Variants in SCRN3 observed in about 807,000 individuals in gnomAD.
SCRN3 encodes secernin-3.
SCRN3 carries 39 observed loss-of-function variants against 43.1 expected under a neutral mutation model. The observed-to-expected ratio is 0.91, with a 90% CI of 0.70 to 1.18. The LOEUF is 1.18. Among genes scored for constraint, SCRN3 ranks in the 50% most tolerant of loss-of-function variants. The probability of loss-of-function intolerance (pLI) is 0.00; values close to 1 mark genes in which losing one functional copy is unlikely to be tolerated. For missense variants in SCRN3, 484 were observed against 498.0 expected (o/e 0.97, Z 0.27); for synonymous variants, 147 against 163.1 (o/e 0.90, Z 0.75).
chr2:174,419,967 C>T (rs1686243205), intron 5 of SCRN3, among the ~76,000 whole-genome samples: 1 of 151,956 alleles, frequency 6.6e-6, no homozygotes, highest in Non-Finnish European at 1.5e-5. Flanking sequence ...GATGAATACC[C>T]AAAAGAGTAC....
chr2:174,426,392 A>C (rs1686482481), intron 7 of SCRN3, among the ~76,000 whole-genome samples: 1 of 152,212 alleles, frequency 6.6e-6, no homozygotes, highest in Non-Finnish European at 1.5e-5. Context: ...TCCTCAGAAA[A>C]AAGCTGCATA....
chr2:174,413,947 C>T (rs1686016345), intron 5 of SCRN3, among the ~76,000 whole-genome samples: 1 of 152,036 alleles, frequency 6.6e-6, no homozygotes, highest in Admixed American at 6.6e-5. Context: ...GCCAGAAAGA[C>T]CAAAGTTTTC....
Position 174,412,320 on chromosome 2 carries a change from C to A in SCRN3, c.754+8005C>A, listed in dbSNP as rs531094397. Among the ~76,000 whole-genome samples the A allele has an allele frequency of 4.6e-5, 7 of 151,918 alleles. No individual in the cohort carries two copies. The East Asian group carries it at 1.4e-3, about 29-fold the overall frequency. On this transcript the variant is annotated intron_variant, in intron 5 of 7. Coordinates refer to ENST00000272732, the MANE Select transcript of SCRN3 (RefSeq NM_024583.5). The stretch of plus-strand genomic sequence containing the variant: ...TGAGGAGAGGGAAGGTGGGCACCAA[C>A]AAGACATAGCATGGGAGAAATCTCC...
chr2:174,427,407 T>G (rs1298185524), intron 7 of SCRN3, among the ~76,000 whole-genome samples: 2 of 152,194 alleles, frequency 1.3e-5, no homozygotes, highest in Non-Finnish European at 2.9e-5. Context: ...ACCTTCCACA[T>G]ACACAGTTCA....
intron 1 of SCRN3, among the ~76,000 whole-genome samples, chr2:174,398,029 G>GA (rs1350818528): frequency 1.3e-5 from 2 of 152,136 alleles, no homozygotes; most frequent in Non-Finnish European, 2.9e-5. Flanking sequence ...TTGGGAGGCA[G>GA]AAGGGGGAGG....
intron 5 of SCRN3, 146 bp from the exon 6 acceptor site, chr2:174,422,739 A>C: frequency 3.9e-6 from 2 of 515,854 alleles, no homozygotes; most frequent in Non-Finnish European, 6.9e-6. Flanking sequence ...ATCTAATTGT[A>C]GTTGATACAA....
chr2:174,400,028 G>A lies in SCRN3; in HGVS notation c.266G>A (p.Cys89Tyr), dbSNP rs775283334. ...AEMGANEHGV[C>Y]IGNEAVWGRE... The stretch of plus-strand genomic sequence containing the variant: ...ATGGGAGCCAATGAGCATGGAGTTT[G>A]CATTGGGAATGAAGCTGTATGGGGA... Residue 89 changes from cysteine (C) to tyrosine (Y), a missense_variant, in exon 3 of 8, where the codon TGC (cysteine) becomes TAC (tyrosine). Physicochemically the swap from Cys to Tyr is radical, Grantham distance 194. Coordinates refer to ENST00000272732, the MANE Select transcript of SCRN3 (RefSeq NM_024583.5). 1.2e-6 allele frequency: 2 copies of A among 1,601,426 alleles called. No individual in the cohort carries two copies. Among genetic ancestry groups the A allele is most frequent in the African/African-American group, 2.7e-5 (2 of 73,730 alleles).
In SCRN3 at chr2:174,399,899, C is replaced by CTTT. The variant is rs59353951; in HGVS notation, c.160-7_160-5dup. On this transcript the variant is annotated intron_variant, in intron 2 of 7. Coordinates refer to ENST00000272732, the MANE Select transcript of SCRN3 (RefSeq NM_024583.5). The stretch of plus-strand genomic sequence containing the variant: ...TCTGGTTTTGTGGTTCTTGCTATGA[C>CTTT]TTTTTTTTTTTTTTTTTTACAGTGT... 5,648 of 1,151,398 alleles carry CTTT rather than the reference C, an allele frequency of 4.9e-3. 17 individuals carry two copies. Among genetic ancestry groups the CTTT allele is most frequent in the African/African-American group, 0.019 (1,051 of 56,380 alleles). The allele number at this position is 1,151,398 out of a possible 1,614,324, so 71.3% of individuals were successfully genotyped here.
At chr2:174,421,446 G>C (rs1018762324) in intron 5 of SCRN3, among the ~76,000 whole-genome samples, 3 of 152,178 alleles carry the variant, frequency 2.0e-5, no homozygotes, top group Non-Finnish European at 4.4e-5. Flanking sequence ...AAAGTCTATT[G>C]TGCATGGATT....
intron 5 of SCRN3, among the ~76,000 whole-genome samples, chr2:174,406,362 A>C (rs1488059096): frequency 1.5e-5 from 2 of 137,308 alleles, no homozygotes; most frequent in Non-Finnish European, 3.3e-5. Context: ...TTTTGGGCTG[A>C]GACAATGGGG....
At chr2:174,427,159 A>G (rs1215407837) in intron 7 of SCRN3, among the ~76,000 whole-genome samples, 1 of 152,138 alleles carries the variant, frequency 6.6e-6, no homozygotes, top group Non-Finnish European at 1.5e-5. Flanking sequence ...TTTTCTTTAG[A>G]TAAGTACCTT....
chr2:174,421,483 A>G (rs910135552), intron 5 of SCRN3, among the ~76,000 whole-genome samples: 1 of 152,188 alleles, frequency 6.6e-6, no homozygotes, highest in Non-Finnish European at 1.5e-5. Flanking sequence ...TTTTCACAGG[A>G]TGCTTTTAGC....
At chr2:174,414,939 T>C (rs1408042344) in intron 5 of SCRN3, among the ~76,000 whole-genome samples, 1 of 152,066 alleles carries the variant, frequency 6.6e-6, no homozygotes, top group Non-Finnish European at 1.5e-5. Context: ...AATTTTTTTA[T>C]TTTTTGTAGA....
intron 7 of SCRN3, among the ~76,000 whole-genome samples, chr2:174,426,640 C>T (rs1388445965): frequency 5.3e-5 from 8 of 151,872 alleles, no homozygotes; most frequent in South Asian, 2.1e-4. Flanking sequence ...GGCTTGGTGG[C>T]GGGTGCCTGT....
At chr2:174,422,571 A>G (rs1320163076) in intron 5 of SCRN3, among the ~76,000 whole-genome samples, 1 of 100,140 alleles carries the variant, frequency 1.0e-5, no homozygotes, top group South Asian at 2.6e-4. Flanking sequence ...CTCTGTCTCA[A>G]AAAAAAAAAA....
Position 174,406,707 on chromosome 2 carries a change from T to C in SCRN3, c.754+2392T>C, listed in dbSNP as rs926353279. On this transcript the variant is annotated intron_variant, in intron 5 of 7. Coordinates refer to ENST00000272732, the MANE Select transcript of SCRN3 (RefSeq NM_024583.5). Reference sequence around the variant, plus strand: ...TTGTCAAAGGCTTTTTCTGCCTCTATTGAGATAATCATGTGGTTTTTGTCT... The same window carrying C: ...TTGTCAAAGGCTTTTTCTGCCTCTACTGAGATAATCATGTGGTTTTTGTCT... 6.5e-5 allele frequency among the ~76,000 whole-genome samples: 9 copies of C among 139,060 alleles called. 1 individual carries two copies. Among genetic ancestry groups the C allele is most frequent in the African/African-American group, 2.3e-4 (9 of 39,658 alleles). 91.2% of individuals were successfully genotyped at this position (139,060 alleles called of 152,430 possible). A position where few individuals can be genotyped will look rare whatever the true frequency, so the allele number is the denominator to read the frequency against.
chr2:174,400,612 T>C (rs1289583963), intron 3 of SCRN3, among the ~76,000 whole-genome samples: 1 of 152,126 alleles, frequency 6.6e-6, no homozygotes, highest in Non-Finnish European at 1.5e-5. Flanking sequence ...ATATTATTAT[T>C]TGGGAGAAGG....
chr2:174,409,656 T>G (rs375070799), intron 5 of SCRN3, among the ~76,000 whole-genome samples: 34 of 136,268 alleles, frequency 2.5e-4, no homozygotes, highest in East Asian at 2.2e-3. Flanking sequence ...GTCCTTTCTG[T>G]TTGTTAGTTT....
chr2:174,422,016 CAA>C (rs1311153211), intron 5 of SCRN3, among the ~76,000 whole-genome samples: 3 of 151,494 alleles, frequency 2.0e-5, no homozygotes, highest in African/African-American at 4.9e-5. Flanking sequence ...AAAAAGAAGA[CAA>C]GAATGGAGAA....
Sources: allele counts gnomAD v4.1 joint callset (sites outside exome capture counted in the v4.1 genomes callset), GRCh38; gene constraint gnomAD v4.1.1; transcripts MANE v1.5; gene names NCBI Gene and HGNC (gene_info 2026-07-23, HGNC 2026-07-21).